TENM4: variants seen among roughly 807,000 people sequenced by gnomAD.
The protein encoded by TENM4 is teneurin-4.
Under a neutral mutation model 243.3 loss-of-function variants are expected in TENM4, and 82 were observed. The ratio of observed to expected loss-of-function variants is 0.34; its 90% confidence interval spans 0.28 to 0.40. The LOEUF (loss-of-function observed/expected upper bound fraction) is 0.40. TENM4 is among the 10% of genes least tolerant of loss of function. The pLI is 1.00. For missense variants in TENM4, 3,138 were observed against 3,673.3 expected (o/e 0.85, Z 3.77); for synonymous variants, 1,412 against 1,456.3 (o/e 0.97, Z 0.69).
chr11:78,657,915 G>T lies in TENM4; in HGVS notation c.*143C>A. ...CTGTGTTTTTCTTTTCTAAAAAAAA[G>T]GATGTTGCATGAGTTACAATGCAAC... On this transcript the variant is annotated 3_prime_UTR_variant, in exon 34 of 34. Transcript: ENST00000278550. The T allele has an allele frequency of 1.5e-6, 2 of 1,295,484 alleles. No homozygotes were observed. Among genetic ancestry groups the T allele is most frequent in the Non-Finnish European group, 2.2e-6 (2 of 908,112 alleles). The allele number at this position is 1,295,484 out of a possible 1,614,324, so 80.2% of individuals were successfully genotyped here.
intron 4 of TENM4, among the ~76,000 whole-genome samples, chr11:79,088,244 G>A (rs1352906270): frequency 6.6e-6 from 1 of 152,150 alleles, no homozygotes; most frequent in Non-Finnish European, 1.5e-5. Context: ...GGTATCTAGG[G>A]CCCAGCCTGG....
intron 3 of TENM4, among the ~76,000 whole-genome samples, chr11:79,205,683 T>C (rs1316950188): frequency 6.6e-6 from 1 of 152,268 alleles, no homozygotes; most frequent in African/African-American, 2.4e-5. Flanking sequence ...TTCCATAGCA[T>C]GAATGGACCA....
chr11:79,109,376 G>A lies in TENM4; in HGVS notation c.-66+39334C>T, dbSNP rs145934794. ...AGCCAGGTGAGGGGAGCTTCCTTCA[G>A]CCTGAACATGAACCAGTCTTTTTTG... is the stretch of plus-strand genomic sequence containing the variant. On this transcript the variant is annotated intron_variant, in intron 4 of 33. Transcript: ENST00000278550. 1.3e-3 allele frequency among the ~76,000 whole-genome samples: 195 copies of A among 152,306 alleles called. 1 individual carries two copies. The highest frequency in any genetic ancestry group is 2.1e-3 in the Admixed American group (32 of 15,302).
intron 3 of TENM4, among the ~76,000 whole-genome samples, chr11:79,155,458 A>G (rs984906450): frequency 2.0e-5 from 3 of 151,914 alleles, no homozygotes; most frequent in Non-Finnish European, 4.4e-5. Context: ...GGTTTTTAAG[A>G]ATGCCATTTC....
intron 7 of TENM4, among the ~76,000 whole-genome samples, chr11:78,897,228 C>G (rs1265182787): frequency 3.3e-5 from 5 of 152,126 alleles, no homozygotes; most frequent in Non-Finnish European, 7.4e-5. Flanking sequence ...TGAAGTGCGT[C>G]CTGTGTGACT....
At chr11:78,813,028 G>T (rs932046417) in intron 13 of TENM4, among the ~76,000 whole-genome samples, 1 of 152,136 alleles carries the variant, frequency 6.6e-6, no homozygotes, top group Non-Finnish European at 1.5e-5. Flanking sequence ...CATATGGGAC[G>T]AGACGGTAAT....
At chr11:79,052,752 G>A (rs1003038868) in intron 6 of TENM4, among the ~76,000 whole-genome samples, 1 of 152,186 alleles carries the variant, frequency 6.6e-6, no homozygotes, top group Non-Finnish European at 1.5e-5. Context: ...CACTTCAGCT[G>A]CCACTGTGGC....
intron 6 of TENM4, chr11:78,903,870 C>G (rs1187029038): frequency 5.3e-6 from 3 of 563,100 alleles, no homozygotes; most frequent in African/African-American, 1.9e-5. Context: ...TGGCCAGGGA[C>G]CAGCAGCTTC....
chr11:78,992,396 C>T (rs1858067622), intron 6 of TENM4, among the ~76,000 whole-genome samples: 1 of 152,230 alleles, frequency 6.6e-6, no homozygotes, highest in Non-Finnish European at 1.5e-5. Context: ...CTAGTATTGC[C>T]TTCTCTCTTG....
chr11:78,653,946 TTCTC>T lies in TENM4; in HGVS notation c.*4108_*4111del, dbSNP rs1208895778. 1 of 152,240 alleles carries T rather than the reference TTCTC, an allele frequency of 6.6e-6. No individual in the cohort carries two copies. Among genetic ancestry groups the T allele is most frequent in the Non-Finnish European group, 1.5e-5 (1 of 68,044 alleles). The allele number at this position is 152,240 out of a possible 1,614,324, so 9.4% of individuals were successfully genotyped here. A position where few individuals can be genotyped will look rare whatever the true frequency, so the allele number is the denominator to read the frequency against. ...ATGTGAAGGTTGGAGAGGATAAGGT[TTCTC>T]TCTATCACCTCAGCAATGAGTCTTT... On this transcript the variant is annotated 3_prime_UTR_variant, in exon 34 of 34. Transcript: ENST00000278550.
chr11:79,291,770 G>C (rs1856361366), intron 2 of TENM4, among the ~76,000 whole-genome samples: 1 of 152,158 alleles, frequency 6.6e-6, no homozygotes, highest in South Asian at 2.1e-4. Context: ...GTCCATGAAG[G>C]CTCTGACAGG....
At chr11:79,086,617 T>C (rs954975465) in intron 4 of TENM4, among the ~76,000 whole-genome samples, 6 of 152,102 alleles carry the variant, frequency 3.9e-5, no homozygotes, top group Non-Finnish European at 8.8e-5. Flanking sequence ...GCAGATCACT[T>C]GAGGTCAGGA....
At chr11:78,928,669 G>A (rs939838245) in intron 6 of TENM4, among the ~76,000 whole-genome samples, 6 of 152,102 alleles carry the variant, frequency 3.9e-5, no homozygotes, top group Non-Finnish European at 8.8e-5. Context: ...TCAAAATCTC[G>A]TTTTTCTCAC....
intron 3 of TENM4, among the ~76,000 whole-genome samples, chr11:79,200,215 A>G (rs1863712299): frequency 6.6e-6 from 1 of 152,172 alleles, no homozygotes; most frequent in Non-Finnish European, 1.5e-5. Context: ...ATAGAACCCC[A>G]ATCAGTTGTG....
At chr11:78,734,409 G>C (rs1297599366) in intron 20 of TENM4, among the ~76,000 whole-genome samples, 2 of 151,794 alleles carry the variant, frequency 1.3e-5, no homozygotes, top group African/African-American at 2.4e-5. Context: ...TGCAATTCCA[G>C]AGATGAGGAG....
chr11:79,137,579 C>T (rs1430996043), intron 4 of TENM4, among the ~76,000 whole-genome samples: 15 of 152,272 alleles, frequency 9.9e-5, no homozygotes, highest in Non-Finnish European at 5.9e-5. Context: ...CAGTTACAAC[C>T]GCGTGACCAG....
In TENM4 at chr11:78,657,099, G is replaced by A. The variant is rs767055102; in HGVS notation, c.*959C>T. The A allele has an allele frequency of 1.6e-4, 63 of 398,536 alleles. No homozygotes were observed. Among genetic ancestry groups the A allele is most frequent in the Non-Finnish European group, 2.3e-4 (51 of 226,098 alleles). The allele number at this position is 398,536 out of a possible 1,614,324, so 24.7% of individuals were successfully genotyped here. A position where few individuals can be genotyped will look rare whatever the true frequency, so the allele number is the denominator to read the frequency against. The stretch of plus-strand genomic sequence containing the variant: ...CACCACTGCCATGCCTTTGCCATGG[G>A]TGGCCTTCTGTTCTGTGGACATGGT... On this transcript the variant is annotated 3_prime_UTR_variant, in exon 34 of 34. Coordinates refer to ENST00000278550, the MANE Select transcript of TENM4 (RefSeq NM_001098816.3).
Position 78,723,061 on chromosome 11 carries a change from A to ACC in TENM4, c.3551-146_3551-145dup, listed in dbSNP as rs143624119. ...GGATCATAGCCCAAGGCTTTGCCTCACCCCCCCAATGGAACCCAGATTGTC... is the reference window on the plus strand; with the variant it reads ...GGATCATAGCCCAAGGCTTTGCCTCACCCCCCCCCAATGGAACCCAGATTGTC... On this transcript the variant is annotated intron_variant, in intron 23 of 33. Coordinates refer to ENST00000278550, the MANE Select transcript of TENM4 (RefSeq NM_001098816.3). The ACC allele has an allele frequency of 2.6e-6, 3 of 1,170,204 alleles. No individual in the cohort carries two copies. In the African/African-American group the frequency reaches 4.7e-5, roughly 18 times the overall value. The allele number at this position is 1,170,204 out of a possible 1,614,324, so 72.5% of individuals were successfully genotyped here.
chr11:79,085,246 G>A (rs909516035), intron 4 of TENM4, among the ~76,000 whole-genome samples: 7 of 151,750 alleles, frequency 4.6e-5, no homozygotes, highest in South Asian at 4.2e-4. Context: ...GTGTGGTGGC[G>A]GGCACCTGTA....
Sources: gnomAD v4.1 joint callset for allele counts (sites outside exome capture counted in the v4.1 genomes callset) on GRCh38, gnomAD v4.1.1 for gene constraint, MANE v1.5 for transcripts, NCBI Gene and HGNC (gene_info 2026-07-23, HGNC 2026-07-21) for gene names.